The following TIAM2 variants were observed in gnomAD, a reference collection of about 807,000 sequenced individuals.
TIAM2 encodes TIAM Rac1 associated GEF 2, also known as rho guanine nucleotide exchange factor TIAM2.
TIAM2 carries 80 observed loss-of-function variants against 152.9 expected under a neutral mutation model. The observed-to-expected ratio is 0.52, with a 90% CI of 0.44 to 0.63. TIAM2 has a LOEUF of 0.63. Among genes scored for constraint, TIAM2 ranks in the 30% least tolerant of loss-of-function variants. TIAM2 has a pLI of 0.00. For missense variants in TIAM2, 1,965 were observed against 2,120.1 expected (o/e 0.93, Z 1.44); for synonymous variants, 804 against 838.0 (o/e 0.96, Z 0.70).
intron 6 of TIAM2, among the ~76,000 whole-genome samples, chr6:155,146,768 ATTTTT>A (rs373361803): frequency 4.9e-4 from 67 of 135,894 alleles, no homozygotes; most frequent in African/African-American, 1.7e-3. Context: ...TGCCTGGCTA[ATTTTT>A]TTTTTTTTTT....
chr6:155,127,669 G>T (rs542578685), intron 3 of TIAM2, 69 bp downstream of exon 3: 2 of 442,370 alleles, frequency 4.5e-6, no homozygotes, highest in Non-Finnish European at 9.0e-6. Context: ...ATAAGTAAAG[G>T]TTTAATTATT....
intron 14 of TIAM2, among the ~76,000 whole-genome samples, chr6:155,187,573 CTTTTTTTTTT>C (rs59818801): frequency 0.011 from 530 of 49,608 alleles, 5 homozygotes; most frequent in Non-Finnish European, 0.016. Context: ...ACCCCGCCCC[CTTTTTTTTTT>C]TTTTTTTTTT....
chr6:155,177,060 A>T (rs941588125), intron 10 of TIAM2, 83 bp downstream of exon 10: 87 of 1,402,916 alleles, frequency 6.2e-5, no homozygotes, highest in Non-Finnish European at 7.7e-5. Flanking sequence ...AATTCATGTG[A>T]TATTCAAGGG....
intron 14 of TIAM2, among the ~76,000 whole-genome samples, chr6:155,207,469 C>G (rs1182101724): frequency 6.6e-6 from 1 of 152,214 alleles, no homozygotes; most frequent in Non-Finnish European, 1.5e-5. Flanking sequence ...TGCACAGATG[C>G]ATTCCACCTG....
In TIAM2 at chr6:155,186,454, G is replaced by A. The variant is rs1012115804; in HGVS notation, c.3064+2954G>A. On this transcript the variant is annotated intron_variant, in intron 14 of 26. Transcript: ENST00000682666. This position sits in a 1 kb window ranked among gnomAD's most constrained non-coding sequence, Gnocchi z 4.5. Reference sequence around the variant, plus strand: ...CCCTACCCCTTCCTTTGGGAATCTCGGGGTCACCTTCCAAATAAACTTCTG... The same window carrying A: ...CCCTACCCCTTCCTTTGGGAATCTCAGGGTCACCTTCCAAATAAACTTCTG... Among the ~76,000 whole-genome samples the A allele has an allele frequency of 5.3e-5, 8 of 152,040 alleles. No individual in the cohort carries two copies. Among genetic ancestry groups the A allele is most frequent in the African/African-American group, 1.7e-4 (7 of 41,396 alleles).
At chr6:155,235,336 G>A (rs1384695918) in intron 15 of TIAM2, among the ~76,000 whole-genome samples, 1 of 152,218 alleles carries the variant, frequency 6.6e-6, no homozygotes, top group Non-Finnish European at 1.5e-5. Context: ...TTAGAATCGA[G>A]ACTTGCCCAG....
intron 16 of TIAM2, 127 bp from the exon 17 acceptor site, chr6:155,243,884 C>G: frequency 3.6e-6 from 1 of 275,240 alleles, no homozygotes; most frequent in South Asian, 4.5e-5. Flanking sequence ...AAAAGAATTT[C>G]AACAAGGCAT....
intron 1 of TIAM2, among the ~76,000 whole-genome samples, chr6:155,072,329 G>A (rs906729476): frequency 6.6e-6 from 1 of 152,170 alleles, no homozygotes; most frequent in Non-Finnish European, 1.5e-5. Context: ...CCGAGGCATC[G>A]GGCTAGGATC....
intron 19 of TIAM2, 117 bp from the exon 20 acceptor site, chr6:155,247,883 A>C: frequency 7.6e-7 from 1 of 1,320,376 alleles, no homozygotes; most frequent in Non-Finnish European, 1.0e-6. Flanking sequence ...GGTTTTCATT[A>C]AAGAATGGCA....
At chr6:155,053,714 G>A (rs574393251) in intron 1 of TIAM2, among the ~76,000 whole-genome samples, 3 of 151,912 alleles carry the variant, frequency 2.0e-5, no homozygotes, top group Non-Finnish European at 1.5e-5. Context: ...CAAGTGATTC[G>A]CCTGCCTCAG....
chr6:155,094,546 C>T (rs890065686), intron 2 of TIAM2, among the ~76,000 whole-genome samples: 16 of 79,952 alleles, frequency 2.0e-4, no homozygotes, highest in African/African-American at 6.2e-4. Context: ...TTCACTCAGA[C>T]TTTTTTTTTT....
intron 1 of TIAM2, among the ~76,000 whole-genome samples, chr6:155,028,130 T>TAC: frequency 9.7e-6 from 1 of 102,614 alleles, no homozygotes; most frequent in Non-Finnish European, 1.8e-5. Flanking sequence ...ACATATATAC[T>TAC]ATATATAATA....
At chr6:155,226,887 G>C (rs1398815364) in intron 15 of TIAM2, among the ~76,000 whole-genome samples, 2 of 152,172 alleles carry the variant, frequency 1.3e-5, no homozygotes, top group Non-Finnish European at 2.9e-5. Flanking sequence ...GGCAAGTCAA[G>C]CTGTTTGTTT....
intron 19 of TIAM2, among the ~76,000 whole-genome samples, chr6:155,247,536 C>T (rs1167003301): frequency 6.6e-6 from 1 of 152,164 alleles, no homozygotes. Context: ...CCATGTTGGC[C>T]AGGCTGGTCT....
intron 9 of TIAM2, 63 bp downstream of exon 9, chr6:155,165,472 CCTG>C: frequency 6.4e-7 from 1 of 1,556,340 alleles, no homozygotes; most frequent in South Asian, 1.2e-5. Flanking sequence ...TAATTTTCGG[CCTG>C]CTATGAATCA....
chr6:155,219,459 G>C (rs901391208), intron 15 of TIAM2, among the ~76,000 whole-genome samples: 2 of 152,158 alleles, frequency 1.3e-5, no homozygotes, highest in Admixed American at 6.5e-5. Context: ...GGTCAGAGTT[G>C]GGCGGAGTGT....
intron 15 of TIAM2, 58 bp downstream of exon 15, chr6:155,211,365 C>T (rs1781713339): frequency 1.4e-6 from 2 of 1,448,314 alleles, no homozygotes; most frequent in Non-Finnish European, 1.9e-6. Context: ...TTAGTTCCCA[C>T]CTTTACCTAA....
At chr6:155,005,756 A>G (rs913061777) in intron 1 of TIAM2, among the ~76,000 whole-genome samples, 4 of 151,608 alleles carry the variant, frequency 2.6e-5, no homozygotes, top group Admixed American at 2.0e-4. Flanking sequence ...CCCGAGTTCA[A>G]GTGATTCTCC....
chr6:155,138,579 T>TC (rs1779612637), intron 5 of TIAM2, among the ~76,000 whole-genome samples: 1 of 152,094 alleles, frequency 6.6e-6, no homozygotes, highest in Non-Finnish European at 1.5e-5. Context: ...ATGCTATCCC[T>TC]CCCCCATTCC....
Sources: allele counts gnomAD v4.1 joint callset (sites outside exome capture counted in the v4.1 genomes callset), GRCh38; gene constraint gnomAD v4.1.1; non-coding constraint Gnocchi (gnomAD v3.1); transcripts MANE v1.5; gene names NCBI Gene and HGNC (gene_info 2026-07-23, HGNC 2026-07-21).